The following PPP1R3A variants were observed in gnomAD, a reference collection of about 807,000 sequenced individuals.
PPP1R3A encodes the protein protein phosphatase 1 regulatory subunit 3A.
Under a neutral mutation model 41.7 loss-of-function variants are expected in PPP1R3A, and 29 were observed. The observed-to-expected ratio is 0.70, with a 90% CI of 0.52 to 0.95. The LOEUF is 0.95. Among genes scored for constraint, PPP1R3A ranks in the 40% least tolerant of loss-of-function variants. The probability of loss-of-function intolerance (pLI) is 0.00; values close to 1 mark genes in which losing one functional copy is unlikely to be tolerated. For synonymous variants in PPP1R3A, 485 were observed against 453.4 expected (o/e 1.07, Z -0.89); for missense variants, 1,352 against 1,292.4 (o/e 1.05, Z -0.71).
At position 113,879,089 on chromosome 7, in the gene PPP1R3A, T is replaced by C. The variant is rs766814632; in HGVS notation, c.2003A>G (p.Asn668Ser). ...GATATGCTCTGTTATGTTTGTCTTA[T>C]TCTCTCTTGATTTTCCCTGACTTTC... ...VLESQGKSRE[N>S]KTNITEHIKG... Residue 668 changes from asparagine (N) to serine (S), a missense_variant, in exon 4 of 4, where the codon AAT (asparagine) becomes AGT (serine). Asn to Ser is a conservative substitution (Grantham distance 46). Coordinates refer to ENST00000284601, the MANE Select transcript of PPP1R3A (RefSeq NM_002711.4). 4 of 1,613,708 alleles carry C rather than the reference T, an allele frequency of 2.5e-6. No individual in the cohort carries two copies. In the African/African-American group the frequency reaches 5.3e-5, roughly 22 times the overall value.
intron 1 of PPP1R3A, among the ~76,000 whole-genome samples, chr7:113,902,162 A>T (rs1269766832): frequency 1.3e-5 from 2 of 151,618 alleles, no homozygotes; most frequent in African/African-American, 4.8e-5. Context: ...ATGGAGTCTC[A>T]CCTTGTCACC....
At chr7:113,912,086 C>T (rs1218976458) in intron 1 of PPP1R3A, among the ~76,000 whole-genome samples, 1 of 152,110 alleles carries the variant, frequency 6.6e-6, no homozygotes, top group Non-Finnish European at 1.5e-5. Context: ...CAAGGTCTTG[C>T]CTTACTTTAA....
At chr7:113,882,386 A>G in intron 1 of PPP1R3A, 66 bp from the exon 2 acceptor site, 1 of 968,904 alleles carries the variant, frequency 1.0e-6, no homozygotes, top group South Asian at 1.4e-5. Context: ...ATTTTTACAC[A>G]GGGGGAAATT....
Position 113,882,141 on chromosome 7 carries a change from A to G in PPP1R3A, c.864T>C (p.Ile288=), listed in dbSNP as rs777012615. 6.2e-7 allele frequency: 1 copy of G among 1,611,738 alleles called. No homozygotes were observed. The highest frequency in any genetic ancestry group is 1.1e-5 in the South Asian group (1 of 91,046). Residue 288 remains isoleucine (I), a synonymous_variant, in exon 3 of 4, where the codon ATT becomes ATC. Coordinates refer to ENST00000284601, the MANE Select transcript of PPP1R3A (RefSeq NM_002711.4). Reference sequence around the variant, plus strand: ...AATCTTCCTTGTCCTCATGAGAACAAATGATTGTTGGGATATAGGTATCTG... The same window carrying G: ...AATCTTCCTTGTCCTCATGAGAACAGATGATTGTTGGGATATAGGTATCTG... The part of the protein sequence containing the change: ...KNTDTYIPTI[I]CSHEDKEDLE...
Position 113,879,067 on chromosome 7 carries a change from A to C in PPP1R3A, c.2025T>G (p.His675Gln). The change falls in exon 4 of 4, where the codon CAT (histidine) becomes CAG (glutamine). Residue 675 changes from histidine to glutamine, a missense_variant. His to Gln is a conservative substitution (Grantham distance 24). Coordinates refer to ENST00000284601, the MANE Select transcript of PPP1R3A (RefSeq NM_002711.4). Reference sequence around the variant, plus strand: ...CTTCACAATCTGTTTGTCCTTTGATATGCTCTGTTATGTTTGTCTTATTCT... The same window carrying C: ...CTTCACAATCTGTTTGTCCTTTGATCTGCTCTGTTATGTTTGTCTTATTCT... ...SRENKTNITE[H>Q]IKGQTDCEDV... 6.2e-7 allele frequency: 1 copy of C among 1,613,720 alleles called. No homozygotes were observed. The highest frequency in any genetic ancestry group is 1.1e-5 in the South Asian group (1 of 91,080).
Position 113,879,459 on chromosome 7 carries a change from T to A in PPP1R3A, c.1633A>T (p.Met545Leu), listed in dbSNP as rs1198769263. ...QTILHDQERK[M>L]GNPKISVAGI... is the part of the protein sequence containing the mutation. Reference sequence around the variant, plus strand: ...GCCACACTTATTTTAGGGTTACCCATCTTCCTTTCTTGGTCATGTAAGATT... The same window carrying A: ...GCCACACTTATTTTAGGGTTACCCAACTTCCTTTCTTGGTCATGTAAGATT... The change falls in exon 4 of 4, where the codon ATG becomes TTG. Residue 545 changes from methionine (M) to leucine (L), a missense_variant. Met to Leu is a conservative substitution (Grantham distance 15, BLOSUM62 2). Transcript: ENST00000284601. 1.2e-6 allele frequency: 2 copies of A among 1,613,534 alleles called. No individual in the cohort carries two copies. The highest frequency in any genetic ancestry group is 8.5e-7 in the Non-Finnish European group (1 of 1,179,708).
intron 1 of PPP1R3A, among the ~76,000 whole-genome samples, chr7:113,894,195 A>G (rs1019268963): frequency 6.6e-6 from 1 of 152,128 alleles, no homozygotes; most frequent in South Asian, 2.1e-4. Flanking sequence ...GCGAACCAAA[A>G]AACATTTAGG....
chr7:113,901,429 C>A (rs973368408), intron 1 of PPP1R3A, among the ~76,000 whole-genome samples: 1 of 151,728 alleles, frequency 6.6e-6, no homozygotes, highest in Non-Finnish European at 1.5e-5. Flanking sequence ...TGCATAATTT[C>A]ACTTCTATTT....
chr7:113,885,540 T>A (rs1796769665), intron 1 of PPP1R3A, among the ~76,000 whole-genome samples: 1 of 152,126 alleles, frequency 6.6e-6, no homozygotes, highest in African/African-American at 2.4e-5. Context: ...CATGGTGTCA[T>A]TGTTAACTGG....
intron 1 of PPP1R3A, among the ~76,000 whole-genome samples, chr7:113,910,005 G>A (rs1389816495): frequency 6.6e-6 from 1 of 152,066 alleles, no homozygotes; most frequent in African/African-American, 2.4e-5. Flanking sequence ...GGCTGGGGAG[G>A]CCTCACAATC....
intron 1 of PPP1R3A, among the ~76,000 whole-genome samples, chr7:113,910,452 A>G (rs929958747): frequency 6.6e-6 from 1 of 152,066 alleles, no homozygotes; most frequent in Non-Finnish European, 1.5e-5. Context: ...AAACACAATA[A>G]TCTTATGCAC....
At chr7:113,889,730 T>A (rs529192828) in intron 1 of PPP1R3A, among the ~76,000 whole-genome samples, 1 of 152,302 alleles carries the variant, frequency 6.6e-6, no homozygotes, top group East Asian at 1.9e-4. Flanking sequence ...GTTACACTTG[T>A]AAAATGTAGT....
chr7:113,894,354 T>C (rs1307336790), intron 1 of PPP1R3A, among the ~76,000 whole-genome samples: 1 of 152,034 alleles, frequency 6.6e-6, no homozygotes, highest in Non-Finnish European at 1.5e-5. Context: ...CAGCTATGGA[T>C]ACTGGAACAA....
At chr7:113,908,300 A>G (rs906780941) in intron 1 of PPP1R3A, among the ~76,000 whole-genome samples, 2 of 151,910 alleles carry the variant, frequency 1.3e-5, no homozygotes, top group Non-Finnish European at 2.9e-5. Context: ...ACACATAAGA[A>G]AGAGATCAGG....
At chr7:113,894,469 T>C (rs558581955) in intron 1 of PPP1R3A, among the ~76,000 whole-genome samples, 2 of 152,014 alleles carry the variant, frequency 1.3e-5, no homozygotes, top group Admixed American at 1.3e-4. Context: ...TTGGAACAGG[T>C]GGGTAGCAAG....
At chr7:113,888,645 C>T (rs1796828881) in intron 1 of PPP1R3A, among the ~76,000 whole-genome samples, 1 of 152,132 alleles carries the variant, frequency 6.6e-6, no homozygotes, top group South Asian at 2.1e-4. Flanking sequence ...GACTTGCTTC[C>T]CAGGAGTTTA....
intron 1 of PPP1R3A, among the ~76,000 whole-genome samples, chr7:113,893,499 A>G (rs765312670): frequency 6.6e-6 from 1 of 152,040 alleles, no homozygotes; most frequent in Non-Finnish European, 1.5e-5. Context: ...TATGGCAAAG[A>G]AAACCTTTTC....
chr7:113,899,589 A>G (rs1797030818), intron 1 of PPP1R3A, among the ~76,000 whole-genome samples: 1 of 151,756 alleles, frequency 6.6e-6, no homozygotes, highest in Admixed American at 6.6e-5. Context: ...TAGTTACAAG[A>G]TTTTCATTAT....
intron 1 of PPP1R3A, among the ~76,000 whole-genome samples, chr7:113,908,757 G>A (rs1295737675): frequency 6.6e-6 from 1 of 151,630 alleles, no homozygotes; most frequent in South Asian, 2.1e-4. Flanking sequence ...GTCCATTGAT[G>A]GTGGATTAGA....
Sources: allele counts gnomAD v4.1 joint callset (sites outside exome capture counted in the v4.1 genomes callset), GRCh38; gene constraint gnomAD v4.1.1; transcripts MANE v1.5; gene names NCBI Gene and HGNC (gene_info 2026-07-23, HGNC 2026-07-21).